Variants in SGCZ observed in about 807,000 individuals in gnomAD.
SGCZ encodes zeta-sarcoglycan.
A neutral mutation model predicts 41.3 loss-of-function variants in SGCZ; 40 were observed. That is an observed-to-expected ratio of 0.97 (90% CI 0.75 to 1.26). The LOEUF (loss-of-function observed/expected upper bound fraction) is 1.26. Among genes scored for constraint, SGCZ ranks in the 50% most tolerant of loss-of-function variants. The pLI is 0.00. For synonymous variants in SGCZ, 206 were observed against 137.5 expected, an observed-to-expected ratio of 1.50 and a Z score of -3.49; for missense variants, 552 against 369.8, an observed-to-expected ratio of 1.49 and a Z score of -4.04.
At chr8:14,948,756 T>C (rs367827344) in intron 1 of SGCZ, among the ~76,000 whole-genome samples, 29 of 152,272 alleles carry the variant, frequency 1.9e-4, no homozygotes, top group African/African-American at 6.7e-4. Context: ...TTGAACTCTT[T>C]CCTATTCTGA....
chr8:15,077,157 T>C (rs1805564592), intron 1 of SGCZ, among the ~76,000 whole-genome samples: 1 of 152,170 alleles, frequency 6.6e-6, no homozygotes, highest in African/African-American at 2.4e-5. Flanking sequence ...AGAAGTTCAC[T>C]CGATATTTTG....
At chr8:15,152,593 T>C (rs1478558319) in intron 1 of SGCZ, among the ~76,000 whole-genome samples, 2 of 152,138 alleles carry the variant, frequency 1.3e-5, no homozygotes, top group African/African-American at 4.8e-5. Flanking sequence ...TTTCAGCAAC[T>C]TGAGAAAATC....
chr8:14,489,234 C>G (rs916532363), intron 2 of SGCZ, among the ~76,000 whole-genome samples: 1 of 151,952 alleles, frequency 6.6e-6, no homozygotes, highest in Non-Finnish European at 1.5e-5. Flanking sequence ...AGAACGGGAA[C>G]AACGATTTGT....
intron 2 of SGCZ, among the ~76,000 whole-genome samples, chr8:14,357,328 T>G (rs1177481251): frequency 6.6e-6 from 1 of 152,180 alleles, no homozygotes; most frequent in African/African-American, 2.4e-5. Flanking sequence ...CTCAGTACAC[T>G]GAAATCTCAT....
chr8:14,650,578 C>T (rs1807364942), intron 1 of SGCZ, among the ~76,000 whole-genome samples: 1 of 151,932 alleles, frequency 6.6e-6, no homozygotes, highest in South Asian at 2.1e-4. Flanking sequence ...CATCATTTAG[C>T]TCCCACTTAT....
chr8:14,419,740 A>T (rs1799588885), intron 2 of SGCZ, among the ~76,000 whole-genome samples: 1 of 152,002 alleles, frequency 6.6e-6, no homozygotes, highest in Non-Finnish European at 1.5e-5. Context: ...GCTTTTGAGT[A>T]ATGGTGTGCC....
chr8:14,358,183 C>A (rs1429310089), intron 2 of SGCZ, among the ~76,000 whole-genome samples: 1 of 152,126 alleles, frequency 6.6e-6, no homozygotes, highest in Non-Finnish European at 1.5e-5. Flanking sequence ...CTGCCGTGGG[C>A]TAAACATTCA....
At chr8:14,611,421 G>T (rs1486136358) in intron 1 of SGCZ, among the ~76,000 whole-genome samples, 2 of 152,066 alleles carry the variant, frequency 1.3e-5, no homozygotes, top group Non-Finnish European at 2.9e-5. Flanking sequence ...TCTAAAAATT[G>T]TTTCTGGGAA....
intron 1 of SGCZ, among the ~76,000 whole-genome samples, chr8:14,686,457 G>A (rs1563202444): frequency 6.6e-6 from 1 of 152,072 alleles, no homozygotes; most frequent in Non-Finnish European, 1.5e-5. Flanking sequence ...TAAGAGATCT[G>A]AAAATAAACT....
intron 3 of SGCZ, among the ~76,000 whole-genome samples, chr8:14,281,082 A>G (rs915207004): frequency 1.8e-4 from 28 of 152,058 alleles, no homozygotes; most frequent in African/African-American, 6.7e-4. Flanking sequence ...GTGCATTACC[A>G]TAATGGAACA....
chr8:14,377,340 A>G (rs1220938283), intron 2 of SGCZ, among the ~76,000 whole-genome samples: 1 of 152,046 alleles, frequency 6.6e-6, no homozygotes, highest in African/African-American at 2.4e-5. Context: ...ACCCCTTGCC[A>G]CATACCTTGC....
intron 1 of SGCZ, among the ~76,000 whole-genome samples, chr8:14,666,115 A>G (rs1159154224): frequency 6.6e-6 from 1 of 152,142 alleles, no homozygotes; most frequent in Non-Finnish European, 1.5e-5. Flanking sequence ...ATATCTTTTA[A>G]CCACGCTGTT....
At chr8:15,073,625 A>G (rs1180700481) in intron 1 of SGCZ, among the ~76,000 whole-genome samples, 1 of 152,170 alleles carries the variant, frequency 6.6e-6, no homozygotes, top group Non-Finnish European at 1.5e-5. Context: ...GCCTTATTCA[A>G]TCAGTTGAAG....
intron 1 of SGCZ, among the ~76,000 whole-genome samples, chr8:14,713,091 A>T (rs924509389): frequency 2.0e-5 from 3 of 152,164 alleles, no homozygotes; most frequent in African/African-American, 7.2e-5. Flanking sequence ...AGCCTATTAA[A>T]AAAGTTTCTT....
At chr8:14,558,397 A>C (rs901334673) in intron 1 of SGCZ, among the ~76,000 whole-genome samples, 1 of 152,104 alleles carries the variant, frequency 6.6e-6, no homozygotes, top group Admixed American at 6.6e-5. Context: ...CAACATGGGA[A>C]AATCCCATCT....
intron 1 of SGCZ, among the ~76,000 whole-genome samples, chr8:14,885,439 C>A (rs1404199064): frequency 6.6e-6 from 1 of 152,062 alleles, no homozygotes; most frequent in Non-Finnish European, 1.5e-5. Context: ...TGCTGCTATG[C>A]AAAACATGTA....
At chr8:14,668,621 G>A (rs890003443) in intron 1 of SGCZ, among the ~76,000 whole-genome samples, 3 of 151,746 alleles carry the variant, frequency 2.0e-5, no homozygotes, top group Non-Finnish European at 2.9e-5. Flanking sequence ...AATTACCTTT[G>A]TCCAAAAGCA....
chr8:15,131,195 A>C (rs537390252), intron 1 of SGCZ, among the ~76,000 whole-genome samples: 2 of 152,202 alleles, frequency 1.3e-5, no homozygotes, highest in African/African-American at 4.8e-5. Context: ...CTTGAATTGT[A>C]GCTGCCAGGA....
intron 1 of SGCZ, among the ~76,000 whole-genome samples, chr8:14,896,139 G>C (rs1805190565): frequency 6.6e-6 from 1 of 152,144 alleles, no homozygotes; most frequent in Non-Finnish European, 1.5e-5. Flanking sequence ...ACTGCTATGG[G>C]TAGGTGAGTT....
Sources: allele counts gnomAD v4.1 joint callset (sites outside exome capture counted in the v4.1 genomes callset), GRCh38; gene constraint gnomAD v4.1.1; transcripts MANE v1.5; gene names NCBI Gene and HGNC (gene_info 2026-07-23, HGNC 2026-07-21).